COL8A1: variants seen among roughly 807,000 people sequenced by gnomAD.
COL8A1 encodes the protein collagen alpha-1(VIII) chain.
In COL8A1, 21 loss-of-function variants were observed where a neutral mutation model predicts 42.7. The ratio of observed to expected loss-of-function variants is 0.49; its 90% CI spans 0.35 to 0.71. The LOEUF (loss-of-function observed/expected upper bound fraction) is 0.71. Ranked by LOEUF, COL8A1 falls within the 30% of genes least tolerant of loss-of-function variation. COL8A1 has a pLI of 0.01. For missense variants in COL8A1, 788 were observed against 962.4 expected (o/e 0.82, Z 2.40); for synonymous variants, 367 against 369.1 (o/e 0.99, Z 0.06).
chr3:99,660,379 T>C (rs1938168153), intron 1 of COL8A1, among the ~76,000 whole-genome samples: 1 of 152,168 alleles, frequency 6.6e-6, no homozygotes, highest in Non-Finnish European at 1.5e-5. Context: ...ATAAAAGAAA[T>C]ATCCTCCTGA....
Position 99,711,012 on chromosome 3 carries a change from A to G in COL8A1, c.-128-33885A>G, listed in dbSNP as rs140985384. ...CACCATTTTGGAACTCTTAATGGGT[A>G]CCAAAAGGCAAATATGTTCTCAAAC... On this transcript the variant is annotated intron_variant, in intron 1 of 3. Coordinates refer to ENST00000652472, the MANE Select transcript of COL8A1 (RefSeq NM_020351.4). Among the ~76,000 whole-genome samples the G allele has an allele frequency of 3.0e-4, 45 of 152,318 alleles. No individual in the cohort carries two copies. The East Asian group carries it at 8.7e-3, about 29-fold the overall frequency.
chr3:99,732,174 T>C (rs566201148), intron 1 of COL8A1, among the ~76,000 whole-genome samples: 1 of 152,314 alleles, frequency 6.6e-6, no homozygotes, highest in East Asian at 1.9e-4. Flanking sequence ...TGCATTCTTA[T>C]TTATAAATAC....
chr3:99,782,422 C>T (rs1481665963), intron 2 of COL8A1, among the ~76,000 whole-genome samples: 6 of 152,096 alleles, frequency 3.9e-5, no homozygotes, highest in South Asian at 2.1e-4. Context: ...GATGGAGTCT[C>T]GCTCTGTTGC....
chr3:99,676,880 A>C (rs1938713665), intron 1 of COL8A1, among the ~76,000 whole-genome samples: 2 of 152,154 alleles, frequency 1.3e-5, no homozygotes, highest in South Asian at 4.1e-4. Flanking sequence ...AACAAATAGA[A>C]AAATGAAACT....
intron 2 of COL8A1, among the ~76,000 whole-genome samples, chr3:99,747,861 G>A (rs990631312): frequency 6.6e-6 from 1 of 152,100 alleles, no homozygotes; most frequent in African/African-American, 2.4e-5. Context: ...AACTAGCTTG[G>A]TATGAATAGC....
chr3:99,643,369 C>T (rs1937549301), intron 1 of COL8A1, among the ~76,000 whole-genome samples: 1 of 152,198 alleles, frequency 6.6e-6, no homozygotes, highest in Admixed American at 6.5e-5. Flanking sequence ...TCATCACCAT[C>T]ACAGGGATGG....
chr3:99,727,185 G>A (rs1184776550), intron 1 of COL8A1, among the ~76,000 whole-genome samples: 1 of 152,046 alleles, frequency 6.6e-6, no homozygotes, highest in Non-Finnish European at 1.5e-5. Context: ...ATTGTGAATG[G>A]GAGTTCACTC....
chr3:99,735,151 C>T (rs1273887649), intron 1 of COL8A1, among the ~76,000 whole-genome samples: 4 of 141,772 alleles, frequency 2.8e-5, no homozygotes, highest in Non-Finnish European at 6.1e-5. Context: ...TTTCCTTCTC[C>T]TGCCTAATTG....
At chr3:99,735,858 C>A (rs1484719815) in intron 1 of COL8A1, among the ~76,000 whole-genome samples, 1 of 152,032 alleles carries the variant, frequency 6.6e-6, no homozygotes, top group African/African-American at 2.4e-5. Flanking sequence ...AGAGATTCAA[C>A]TTCTTCCTGG....
At position 99,795,463 on chromosome 3, in the gene COL8A1, C is replaced by T. The variant is rs1305927711; in HGVS notation, c.1562C>T (p.Pro521Leu). ...GGGATTCCAGGCCCCAAAGGGGAGC[C>T]GGGCCTCCCAGGGCCCCCTGGGTTC... ...PPGIPGPKGE[P>L]GLPGPPGFPG... The change falls in exon 4 of 4, where the codon CCG (proline) becomes CTG (leucine). Residue 521 changes from proline to leucine, a missense_variant. Pro to Leu is a moderately conservative substitution (Grantham distance 98, BLOSUM62 -3). Coordinates refer to ENST00000652472, the MANE Select transcript of COL8A1 (RefSeq NM_020351.4). 11 of 1,527,168 alleles carry T rather than the reference C, an allele frequency of 7.2e-6. No homozygotes were observed. The highest frequency in any genetic ancestry group is 4.9e-5 in the East Asian group (2 of 40,950). 94.6% of individuals were successfully genotyped at this position (1,527,168 alleles called of 1,614,324 possible).
At chr3:99,728,657 G>A (rs978843605) in intron 1 of COL8A1, among the ~76,000 whole-genome samples, 1 of 151,760 alleles carries the variant, frequency 6.6e-6, no homozygotes, top group African/African-American at 2.4e-5. Context: ...GGCTTCACTG[G>A]CCATCTTAGC....
chr3:99,738,839 A>G (rs2107397819), intron 1 of COL8A1, among the ~76,000 whole-genome samples: 2 of 152,158 alleles, frequency 1.3e-5, no homozygotes, highest in South Asian at 4.2e-4. Flanking sequence ...GCTGCCTTGC[A>G]GTTTGATCTC....
intron 1 of COL8A1, among the ~76,000 whole-genome samples, chr3:99,665,600 C>T (rs1441574042): frequency 2.0e-5 from 3 of 151,920 alleles, no homozygotes; most frequent in African/African-American, 7.3e-5. Flanking sequence ...TATATTCACT[C>T]CTCTCTCAGG....
At chr3:99,737,451 G>C (rs1008199930) in intron 1 of COL8A1, among the ~76,000 whole-genome samples, 8 of 152,116 alleles carry the variant, frequency 5.3e-5, no homozygotes, top group South Asian at 2.1e-4. Context: ...GCATTTGCTT[G>C]TCTGTAAAGT....
chr3:99,703,816 A>T (rs1295093274), intron 1 of COL8A1, among the ~76,000 whole-genome samples: 4 of 152,194 alleles, frequency 2.6e-5, no homozygotes, highest in Admixed American at 2.6e-4. Context: ...TTACCCATTC[A>T]AGATTTTCAA....
intron 1 of COL8A1, among the ~76,000 whole-genome samples, chr3:99,651,515 A>G (rs1158589803): frequency 2.6e-5 from 4 of 152,252 alleles, no homozygotes; most frequent in Non-Finnish European, 5.9e-5. Flanking sequence ...ATGTCTTGGA[A>G]TTTGACAATG....
chr3:99,669,123 T>TTATATATATATATATATATATATA (rs775831851), intron 1 of COL8A1, among the ~76,000 whole-genome samples: 11 of 96,578 alleles, frequency 1.1e-4, no homozygotes, highest in East Asian at 6.5e-4. Context: ...CTTAAAAAAA[T>TTATATATATATATATATATATATA]TATATATATA....
chr3:99,716,792 CT>C (rs1284109675), intron 1 of COL8A1, among the ~76,000 whole-genome samples: 1 of 151,994 alleles, frequency 6.6e-6, no homozygotes, highest in Non-Finnish European at 1.5e-5. Context: ...CTGTTTGCTC[CT>C]TTTTTGTCTC....
intron 2 of COL8A1, among the ~76,000 whole-genome samples, chr3:99,764,435 C>G (rs1397939685): frequency 6.6e-6 from 1 of 152,146 alleles, no homozygotes; most frequent in Non-Finnish European, 1.5e-5. Context: ...TTTTGTGCCC[C>G]TGTACATATA....
Sources: gnomAD v4.1 joint callset for allele counts (sites outside exome capture counted in the v4.1 genomes callset) on GRCh38, gnomAD v4.1.1 for gene constraint, MANE v1.5 for transcripts, NCBI Gene and HGNC (gene_info 2026-07-23, HGNC 2026-07-21) for gene names.